PRRC2C: variants seen among roughly 807,000 people sequenced by gnomAD.
The protein encoded by PRRC2C is proline rich coiled-coil 2C.
A neutral mutation model predicts 317.2 loss-of-function variants in PRRC2C; 72 were observed. That is an observed-to-expected ratio of 0.23 (90% CI 0.19 to 0.28). The LOEUF (loss-of-function observed/expected upper bound fraction) is 0.28. Among genes scored for constraint, PRRC2C ranks in the 10% least tolerant of loss-of-function variants. PRRC2C has a pLI of 1.00. For missense variants in PRRC2C, 3,074 were observed against 3,459.7 expected, an observed-to-expected ratio of 0.89 and a Z score of 2.80; for synonymous variants, 1,296 against 1,205.9, an observed-to-expected ratio of 1.07 and a Z score of -1.55.
At position 171,540,869 on chromosome 1, in the gene PRRC2C, AAAG is replaced by A; in HGVS notation, c.3409_3411del (p.Glu1137del). The A allele has an allele frequency of 6.2e-7, 1 of 1,613,700 alleles. No homozygotes were observed. Among genetic ancestry groups the A allele is most frequent in the African/African-American group, 1.3e-5 (1 of 74,996 alleles). ...ACAGACTATGGCAGCACCAGTAGTC[AAAG>A]AAGAAAAACAACCTGAGAAAGTCAT... On this transcript the variant is annotated inframe_deletion, in exon 16 of 35. Coordinates refer to ENST00000647382, the MANE Select transcript of PRRC2C (RefSeq NM_001387844.1).
At chr1:171,486,561 T>G (rs940319235) in intron 1 of PRRC2C, among the ~76,000 whole-genome samples, 1 of 152,180 alleles carries the variant, frequency 6.6e-6, no homozygotes, top group African/African-American at 2.4e-5. Context: ...TATGTGTGTT[T>G]TGACATTATT....
Position 171,575,180 on chromosome 1 carries a change from T to C in PRRC2C, c.6955+52T>C. 2.1e-6 allele frequency: 3 copies of C among 1,452,978 alleles called. 1 individual carries two copies. In the South Asian group the frequency reaches 3.8e-5, roughly 18 times the overall value. The allele number at this position is 1,452,978 out of a possible 1,614,324, so 90.0% of individuals were successfully genotyped here. ...AAATATCTTACATTATTTAAAATTT[T>C]TTATGATCTCTTCTTGTTTACTATC... On this transcript the variant is annotated intron_variant, in intron 25 of 34. Transcript: ENST00000647382.
intron 26 of PRRC2C, 134 bp downstream of exon 26, chr1:171,577,771 A>ATAC: frequency 3.3e-6 from 1 of 299,574 alleles, no homozygotes; most frequent in Non-Finnish European, 5.3e-6. Context: ...TTAAATTCGC[A>ATAC]TTTTTTTTTT....
chr1:171,578,652 GA>G (rs1284955153), intron 26 of PRRC2C, among the ~76,000 whole-genome samples: 1 of 152,336 alleles, frequency 6.6e-6, no homozygotes, highest in African/African-American at 2.4e-5. Flanking sequence ...CAGATCAGTT[GA>G]GGCCAGCAGT....
chr1:171,540,080 C>A lies in PRRC2C; in HGVS notation c.2614C>A (p.Gln872Lys). The A allele has an allele frequency of 6.2e-7, 1 of 1,613,846 alleles. No homozygotes were observed. Among genetic ancestry groups the A allele is most frequent in the East Asian group, 2.2e-5 (1 of 44,884 alleles). Residue 872 changes from glutamine (Q) to lysine (K), a missense_variant, in exon 16 of 35, where the codon CAA becomes AAA. Gln to Lys is a moderately conservative substitution (Grantham distance 53). Coordinates refer to ENST00000647382, the MANE Select transcript of PRRC2C (RefSeq NM_001387844.1). ...CTTTATCAGAGAATCAAGTGAGGCA[C>A]AAGTACAAAAGTTTTTAAGCAGATC... ...ADFIRESSEA[Q>K]VQKFLSRSVE...
Position 171,539,979 on chromosome 1 carries a change from C to T in PRRC2C, c.2513C>T (p.Ala838Val). Residue 838 changes from alanine to valine, a missense_variant, in exon 16 of 35, where the codon GCT becomes GTT. This residue lies in a region of PRRC2C where 1,320 missense variants were observed against 1,395.7 expected (regional missense o/e 0.95). Coordinates refer to ENST00000647382, the MANE Select transcript of PRRC2C (RefSeq NM_001387844.1). ...TEEPEDVRSE[A>V]ALDQEQITAA... ...AATTCTTATCATCATAGGTCTGAAG[C>T]TGCGTTGGACCAGGAACAGATTACT... The T allele has an allele frequency of 6.2e-7, 1 of 1,606,222 alleles. No homozygotes were observed. The highest frequency in any genetic ancestry group is 8.5e-7 in the Non-Finnish European group (1 of 1,176,764).
chr1:171,513,490 A>G (rs1671756403), intron 3 of PRRC2C: 1 of 479,834 alleles, frequency 2.1e-6, no homozygotes. Flanking sequence ...TGACTCCGAT[A>G]CCTAAATTCC....
chr1:171,584,236 C>T (rs780513817), intron 29 of PRRC2C, 49 bp downstream of exon 29: 2 of 1,472,852 alleles, frequency 1.4e-6, no homozygotes, highest in Non-Finnish European at 1.9e-6. Flanking sequence ...TCCTATGCCA[C>T]AGATCATTTT....
chr1:171,543,317 C>T (rs1391604903), intron 16 of PRRC2C, among the ~76,000 whole-genome samples: 7 of 145,798 alleles, frequency 4.8e-5, no homozygotes, highest in East Asian at 2.0e-4. Flanking sequence ...AGCGAGACTC[C>T]GTCTCAAAAA....
Position 171,537,364 on chromosome 1 carries a change from G to T in PRRC2C, c.2395G>T (p.Ala799Ser), listed in dbSNP as rs1223429583. The change falls in exon 15 of 35, where the codon GCA becomes TCA. Residue 799 changes from alanine (A) to serine (S), a missense_variant. By Grantham distance (99) the Ala-to-Ser change is moderately conservative (BLOSUM62 1). Transcript: ENST00000647382. ...TATAGCTCGATCTGCAAGAGATCAC[G>T]CAATTTCCCTTTCTGAGCCTCGTAT... ...EHIARSARDH[A>S]ISLSEPRMLW... 6.3e-7 allele frequency: 1 copy of T among 1,592,558 alleles called. No individual in the cohort carries two copies. The highest frequency in any genetic ancestry group is 2.3e-5 in the East Asian group (1 of 44,322).
At chr1:171,519,159 T>C (rs1392326377) in intron 6 of PRRC2C, among the ~76,000 whole-genome samples, 3 of 152,104 alleles carry the variant, frequency 2.0e-5, no homozygotes, top group Non-Finnish European at 4.4e-5. Flanking sequence ...GCTGGGATTA[T>C]AGGCATGAGT....
At chr1:171,546,869 T>C (rs1387115043) in intron 17 of PRRC2C, among the ~76,000 whole-genome samples, 1 of 151,648 alleles carries the variant, frequency 6.6e-6, no homozygotes, top group Admixed American at 6.6e-5. Flanking sequence ...CCACCCACCT[T>C]GGCCTCCCAA....
At chr1:171,523,657 A>AT (rs1674015165) in intron 9 of PRRC2C, 135 bp downstream of exon 9, 1 of 784,144 alleles carries the variant, frequency 1.3e-6, no homozygotes, top group African/African-American at 1.7e-5. Flanking sequence ...GTTTTACTGA[A>AT]TAGAGGGTGC....
chr1:171,517,614 G>A lies in PRRC2C; in HGVS notation c.550G>A (p.Gly184Ser), dbSNP rs1672621540. ...AGATGTTGCTTGTTGGAGAGATGGT[G>A]GTAAGGCTGCTGGCTCACCTTCGTC... Reference protein sequence around the residue: ...PPNVACWRDGGKAAGSPSSSD... With the variant: ...PPNVACWRDGSKAAGSPSSSD... The change falls in exon 6 of 35, where the codon GGT becomes AGT. Residue 184 changes from glycine to serine, a missense_variant. This residue lies in a region of PRRC2C where 237 missense variants were observed against 199.5 expected (regional missense o/e 1.19). Transcript: ENST00000647382. 1 of 1,612,336 alleles carries A rather than the reference G, an allele frequency of 6.2e-7. No homozygotes were observed. Among genetic ancestry groups the A allele is most frequent in the Non-Finnish European group, 8.5e-7 (1 of 1,179,574 alleles).
intron 19 of PRRC2C, 50 bp from the exon 20 acceptor site, chr1:171,560,967 AT>A: frequency 1.4e-6 from 2 of 1,413,426 alleles, no homozygotes; most frequent in Non-Finnish European, 2.0e-6. Flanking sequence ...TGGGTTAGAG[AT>A]TATTAGACTC....
At chr1:171,586,811 C>T (rs1173262248) in intron 30 of PRRC2C, among the ~76,000 whole-genome samples, 192 bp from the exon 31 acceptor site, 1 of 151,528 alleles carries the variant, frequency 6.6e-6, no homozygotes, top group Non-Finnish European at 1.5e-5. Context: ...TGGTCTCGAT[C>T]TCTTGACCTC....
intron 5 of PRRC2C, among the ~76,000 whole-genome samples, chr1:171,516,895 CAGA>C (rs1672480873): frequency 6.6e-6 from 1 of 152,180 alleles, no homozygotes; most frequent in Non-Finnish European, 1.5e-5. Context: ...CCACCCAAGA[CAGA>C]AGCCCACAGT....
At chr1:171,551,974 A>C (rs1571955765) in intron 18 of PRRC2C, among the ~76,000 whole-genome samples, 1 of 152,196 alleles carries the variant, frequency 6.6e-6, no homozygotes, top group Non-Finnish European at 1.5e-5. Flanking sequence ...TGAACTTTAA[A>C]GTAGTTTTTT....
At chr1:171,571,502 T>G (rs948751107) in intron 24 of PRRC2C, 81 bp downstream of exon 24, 1 of 1,017,506 alleles carries the variant, frequency 9.8e-7, no homozygotes, top group Admixed American at 2.0e-5. Flanking sequence ...TGGGGTATTT[T>G]TACTAGATTT....
Sources: allele counts gnomAD v4.1 joint callset (sites outside exome capture counted in the v4.1 genomes callset), GRCh38; gene constraint gnomAD v4.1.1; regional missense constraint gnomAD v4.1.1; transcripts MANE v1.5; gene names NCBI Gene and HGNC (gene_info 2026-07-23, HGNC 2026-07-21).